The following AUTS2 variants were observed in gnomAD, a reference collection of about 807,000 sequenced individuals.
The protein encoded by AUTS2 is autism susceptibility gene 2 protein.
In AUTS2, 17 loss-of-function variants were observed where a neutral mutation model predicts 112.4. The ratio of observed to expected loss-of-function variants is 0.15; its 90% CI spans 0.10 to 0.23. The LOEUF (loss-of-function observed/expected upper bound fraction) is 0.23, where lower values mean the gene tolerates loss of function less well. Among genes scored for constraint, AUTS2 ranks in the 10% least tolerant of loss-of-function variants. The pLI is 1.00. For missense variants in AUTS2, 1,510 were observed against 1,701.6 expected, an observed-to-expected ratio of 0.89 and a Z score of 1.98; for synonymous variants, 751 against 702.7, an observed-to-expected ratio of 1.07 and a Z score of -1.09.
At chr7:70,618,607 T>C (rs1479388644) in intron 5 of AUTS2, among the ~76,000 whole-genome samples, 1 of 152,154 alleles carries the variant, frequency 6.6e-6, no homozygotes. Context: ...GGGGTCTTGT[T>C]CAAAAGCTGT....
At chr7:70,658,049 A>G (rs953497230) in intron 5 of AUTS2, among the ~76,000 whole-genome samples, 1 of 152,224 alleles carries the variant, frequency 6.6e-6, no homozygotes, top group Non-Finnish European at 1.5e-5. Context: ...CGTGTAAGTC[A>G]TGCTTGTTTA....
At chr7:70,645,713 A>G (rs1327430487) in intron 5 of AUTS2, among the ~76,000 whole-genome samples, 3 of 152,170 alleles carry the variant, frequency 2.0e-5, no homozygotes, top group Non-Finnish European at 4.4e-5. Flanking sequence ...TTTTGAGAGT[A>G]TATCATTGCT....
chr7:70,587,511 G>A (rs1417302454), intron 5 of AUTS2, among the ~76,000 whole-genome samples: 1 of 152,220 alleles, frequency 6.6e-6, no homozygotes, highest in African/African-American at 2.4e-5. Flanking sequence ...TGACTGATCT[G>A]AGTATTTTAC....
intron 4 of AUTS2, chr7:70,317,094 C>T (rs1415095050): frequency 6.6e-6 from 1 of 152,166 alleles, no homozygotes; most frequent in Non-Finnish European, 1.5e-5. Flanking sequence ...AAGGTGAAAA[C>T]TCACCAGGTC....
intron 5 of AUTS2, among the ~76,000 whole-genome samples, chr7:70,486,901 C>CG (rs899966451): frequency 8.8e-6 from 1 of 113,768 alleles, no homozygotes; most frequent in African/African-American, 3.8e-5. Flanking sequence ...TTGTATTCCC[C>CG]CCCCCCCAAA....
At chr7:70,127,011 G>T (rs187946107) in intron 3 of AUTS2, among the ~76,000 whole-genome samples, 2 of 152,072 alleles carry the variant, frequency 1.3e-5, no homozygotes, top group African/African-American at 4.8e-5. Context: ...ATTTTTAGTA[G>T]AGATGGGGTT....
intron 6 of AUTS2, among the ~76,000 whole-genome samples, chr7:70,709,669 G>A (rs1255905723): frequency 6.6e-6 from 1 of 152,170 alleles, no homozygotes; most frequent in Non-Finnish European, 1.5e-5. Flanking sequence ...GGAGATAGGC[G>A]CTACCACACT....
chr7:70,610,516 GC>G (rs1804039187), intron 5 of AUTS2, among the ~76,000 whole-genome samples: 1 of 133,354 alleles, frequency 7.5e-6, no homozygotes, highest in Non-Finnish European at 1.5e-5. Context: ...GCTCACTGCA[GC>G]CTCAACCTCC....
intron 4 of AUTS2, among the ~76,000 whole-genome samples, chr7:70,348,690 G>A (rs902970685): frequency 5.9e-5 from 9 of 152,150 alleles, no homozygotes; most frequent in African/African-American, 2.2e-4. Context: ...GGCGCCTGTA[G>A]TCCCAGCTGC....
chr7:70,101,095 C>G (rs1443426469), intron 2 of AUTS2, among the ~76,000 whole-genome samples: 3 of 152,178 alleles, frequency 2.0e-5, no homozygotes, highest in Admixed American at 2.0e-4. Flanking sequence ...CCAGGCTGGT[C>G]TCGAACTCCT....
At position 70,373,814 on chromosome 7, in the gene AUTS2, G is replaced by A. The variant is rs377699431; in HGVS notation, c.661-61938G>A. 7.9e-5 allele frequency among the ~76,000 whole-genome samples: 12 copies of A among 152,100 alleles called. 1 individual carries two copies. The East Asian group carries it at 1.4e-3, about 17-fold the overall frequency. On this transcript the variant is annotated intron_variant, in intron 4 of 18. Coordinates refer to ENST00000342771, the MANE Select transcript of AUTS2 (RefSeq NM_015570.4). Reference sequence around the variant, plus strand: ...TGCTAATAAAATTGGTATGGTTTTTGTTTATATCCTTCTAGTCTTTTTTCT... The same window carrying A: ...TGCTAATAAAATTGGTATGGTTTTTATTTATATCCTTCTAGTCTTTTTTCT...
At chr7:70,211,260 CT>C (rs1810868992) in intron 4 of AUTS2, among the ~76,000 whole-genome samples, 1 of 152,028 alleles carries the variant, frequency 6.6e-6, no homozygotes, top group African/African-American at 2.4e-5. Flanking sequence ...TCTTTTAAAC[CT>C]TTTTCTTTCT....
chr7:69,823,667 G>A (rs958950147), intron 1 of AUTS2, among the ~76,000 whole-genome samples: 41 of 152,124 alleles, frequency 2.7e-4, no homozygotes, highest in Admixed American at 2.2e-3. Context: ...CTTATACTGG[G>A]GATCACTTCA....
intron 4 of AUTS2, among the ~76,000 whole-genome samples, chr7:70,206,235 A>G (rs562518222): frequency 1.3e-5 from 2 of 152,318 alleles, no homozygotes; most frequent in South Asian, 4.1e-4. Context: ...AACATTTTAC[A>G]GCTTGAAAGT....
intron 1 of AUTS2, among the ~76,000 whole-genome samples, chr7:69,676,943 A>G (rs920401377): frequency 6.6e-6 from 1 of 152,102 alleles, no homozygotes; most frequent in Non-Finnish European, 1.5e-5. Context: ...CTTTTCAAGA[A>G]CACACAGCTT....
intron 5 of AUTS2, among the ~76,000 whole-genome samples, chr7:70,625,808 T>C (rs1804909405): frequency 6.6e-6 from 1 of 152,240 alleles, no homozygotes; most frequent in African/African-American, 2.4e-5. Context: ...TGAGCAAAAG[T>C]GTTTTAATTG....
intron 4 of AUTS2, 123 bp from the exon 5 acceptor site, chr7:70,435,629 G>A: frequency 2.1e-6 from 2 of 939,978 alleles, no homozygotes; most frequent in Non-Finnish European, 3.4e-6. Flanking sequence ...CAGGAAGACA[G>A]CATTTTTTAT....
chr7:70,238,365 C>G (rs1584917499), intron 4 of AUTS2, among the ~76,000 whole-genome samples: 1 of 152,196 alleles, frequency 6.6e-6, no homozygotes, highest in Non-Finnish European at 1.5e-5. Context: ...GCCGGCAAGG[C>G]CTTTTGACAG....
At chr7:69,643,335 A>G (rs1794877018) in intron 1 of AUTS2, 1 of 153,706 alleles carries the variant, frequency 6.5e-6, no homozygotes, top group Admixed American at 6.6e-5. Flanking sequence ...GCTCAAGGTG[A>G]GATGATCACA....
Sources: allele counts gnomAD v4.1 joint callset (sites outside exome capture counted in the v4.1 genomes callset), GRCh38; gene constraint gnomAD v4.1.1; transcripts MANE v1.5; gene names NCBI Gene and HGNC (gene_info 2026-07-23, HGNC 2026-07-21).